C4orf36: variants seen among roughly 807,000 people sequenced by gnomAD.
C4orf36 encodes chromosome 4 open reading frame 36.
In C4orf36, 11 loss-of-function variants were observed where a neutral mutation model predicts 12.2. The observed-to-expected ratio is 0.90, with a 90% CI of 0.57 to 1.49. The LOEUF is 1.49. Among genes scored for constraint, C4orf36 ranks in the 40% most tolerant of loss-of-function variants. The pLI is 0.00. For synonymous variants in C4orf36, 54 were observed against 51.3 expected, an observed-to-expected ratio of 1.05 and a Z score of -0.22; for missense variants, 137 against 133.9, an observed-to-expected ratio of 1.02 and a Z score of -0.11.
chr4:86,931,893 G>A, the C4orf36 span, among the ~76,000 whole-genome samples: 1 of 151,952 alleles, frequency 6.6e-6, no homozygotes, highest in African/African-American at 2.4e-5. Flanking sequence ...AAATTGGCCG[G>A]GCGTGGTGGC....
At chr4:86,904,076 C>G in the C4orf36 span, among the ~76,000 whole-genome samples, 5 of 152,266 alleles carry the variant, frequency 3.3e-5, no homozygotes, top group Non-Finnish European at 7.3e-5. Flanking sequence ...AGAAGCCCAG[C>G]CAGCTTCACC....
the C4orf36 span, among the ~76,000 whole-genome samples, chr4:86,921,286 TATTAAGACTCAGACA>T: frequency 6.7e-6 from 1 of 148,340 alleles, no homozygotes; most frequent in Admixed American, 7.0e-5. Context: ...GAGGCTGGAA[TATTAAGACTCAGACA>T]ATTTAGAAAT....
the C4orf36 span, among the ~76,000 whole-genome samples, chr4:86,909,820 C>T: frequency 6.8e-6 from 1 of 146,804 alleles, no homozygotes; most frequent in African/African-American, 2.5e-5. Flanking sequence ...AAGCTCTTCG[C>T]CCAGAAAGAT....
chr4:86,917,870 AAT>A, the C4orf36 span, among the ~76,000 whole-genome samples: 1 of 151,724 alleles, frequency 6.6e-6, no homozygotes, highest in Non-Finnish European at 1.5e-5. Flanking sequence ...TGGCAGTTGA[AAT>A]GATAAGTATT....
At chr4:86,908,189 AC>A in the C4orf36 span, among the ~76,000 whole-genome samples, 1 of 149,666 alleles carries the variant, frequency 6.7e-6, no homozygotes, top group African/African-American at 2.4e-5. Context: ...ACACACACAC[AC>A]ACACACACAC....
upstream of C4orf36, among the ~76,000 whole-genome samples, chr4:86,896,943 G>A (rs1747604083): frequency 6.6e-6 from 1 of 152,072 alleles, no homozygotes; most frequent in African/African-American, 2.4e-5. Context: ...AAAGTATATT[G>A]CTGGCCACCT....
At chr4:86,928,377 G>A in the C4orf36 span, among the ~76,000 whole-genome samples, 5 of 152,334 alleles carry the variant, frequency 3.3e-5, no homozygotes, top group South Asian at 2.1e-4. Context: ...AGCAGAGAAA[G>A]AAGAGAAATG....
At chr4:86,897,630 A>G in the C4orf36 span, among the ~76,000 whole-genome samples, 5 of 152,230 alleles carry the variant, frequency 3.3e-5, no homozygotes, top group African/African-American at 1.2e-4. Flanking sequence ...CATGACCAAA[A>G]CAGACAATAA....
the C4orf36 span, among the ~76,000 whole-genome samples, chr4:86,898,279 C>A: frequency 6.6e-6 from 1 of 152,186 alleles, no homozygotes; most frequent in Admixed American, 6.5e-5. Flanking sequence ...GTAGTCCCAG[C>A]TACTTGGGAA....
upstream of C4orf36, among the ~76,000 whole-genome samples, chr4:86,896,450 C>G (rs1483891052): frequency 6.6e-6 from 1 of 152,298 alleles, no homozygotes; most frequent in African/African-American, 2.4e-5. Flanking sequence ...TTATAAAACT[C>G]TCTAGTAATG....
the C4orf36 span, chr4:86,914,690 A>T: frequency 5.5e-6 from 2 of 366,968 alleles, no homozygotes; most frequent in South Asian, 4.8e-5. Context: ...CGTGAGCCAC[A>T]GCGCCCGGCT....
the C4orf36 span, among the ~76,000 whole-genome samples, chr4:86,931,502 T>C: frequency 6.6e-6 from 1 of 152,022 alleles, no homozygotes; most frequent in African/African-American, 2.4e-5. Context: ...GGGCTCAAGT[T>C]ATCCCCCTAC....
At chr4:86,924,677 T>C in the C4orf36 span, 2 of 152,206 alleles carry the variant, frequency 1.3e-5, no homozygotes, top group African/African-American at 4.8e-5. Flanking sequence ...AATTTCTGCT[T>C]CTCTTATAAT....
At chr4:86,925,984 C>A in the C4orf36 span, 13 of 150,150 alleles carry the variant, frequency 8.7e-5, no homozygotes, top group African/African-American at 3.2e-4. Context: ...TGAAGCAATT[C>A]TCCTGCCTCA....
At chr4:86,922,779 CATTTACACAT>C in the C4orf36 span, among the ~76,000 whole-genome samples, 3 of 152,134 alleles carry the variant, frequency 2.0e-5, no homozygotes, top group African/African-American at 7.2e-5. Flanking sequence ...ATTCCTCTGT[CATTTACACAT>C]ATAATTTCTC....
At chr4:86,889,470 C>A (rs1365899744) in intron 2 of C4orf36, among the ~76,000 whole-genome samples, 1 of 151,930 alleles carries the variant, frequency 6.6e-6, no homozygotes, top group African/African-American at 2.4e-5. Flanking sequence ...GAAAGATAAG[C>A]AATAAAACAG....
the C4orf36 span, among the ~76,000 whole-genome samples, chr4:86,930,649 TTAC>T: frequency 6.6e-6 from 1 of 152,200 alleles, no homozygotes; most frequent in African/African-American, 2.4e-5. Context: ...ATTTTGCAAA[TTAC>T]TACTTTAAAT....
At chr4:86,893,645 G>A (rs11731586), upstream of C4orf36, among the ~76,000 whole-genome samples, 138,569 of 151,596 alleles carry the variant, frequency 0.91, 64,334 homozygotes, top group Non-Finnish European at 0.99. Flanking sequence ...TGATCCTTCT[G>A]ATTAGAGTAG....
chr4:86,878,170 C>T (rs1746970871), intron 4 of C4orf36, among the ~76,000 whole-genome samples: 1 of 151,994 alleles, frequency 6.6e-6, no homozygotes, highest in African/African-American at 2.4e-5. Context: ...ATTATCCCCT[C>T]AATGCCACTC....
Sources: allele counts gnomAD v4.1 joint callset (sites outside exome capture counted in the v4.1 genomes callset), GRCh38; gene constraint gnomAD v4.1.1; transcripts MANE v1.5; gene names NCBI Gene and HGNC (gene_info 2026-07-23, HGNC 2026-07-21).